SHTN1: variants seen among roughly 807,000 people sequenced by gnomAD.
SHTN1 encodes shootin-1.
In SHTN1, 42 loss-of-function variants were observed where a neutral mutation model predicts 83.1. The observed-to-expected ratio is 0.51, with a 90% confidence interval of 0.39 to 0.65. The LOEUF is 0.65. Ranked by LOEUF, SHTN1 falls within the 30% of genes least tolerant of loss-of-function variation. SHTN1 has a pLI of 0.00. For missense variants in SHTN1, 622 were observed against 737.8 expected, an observed-to-expected ratio of 0.84 and a Z score of 1.82; for synonymous variants, 224 against 247.7, an observed-to-expected ratio of 0.90 and a Z score of 0.90.
chr10:116,911,976 A>T (rs998158294), intron 13 of SHTN1, 133 bp from the exon 14 acceptor site: 11 of 682,622 alleles, frequency 1.6e-5, no homozygotes, highest in Non-Finnish European at 2.8e-5. Flanking sequence ...TTAAATTAGG[A>T]CTATGTCTTA....
At chr10:116,987,426 C>T (rs1589871777) in intron 1 of SHTN1, among the ~76,000 whole-genome samples, 1 of 152,120 alleles carries the variant, frequency 6.6e-6, no homozygotes, top group Non-Finnish European at 1.5e-5. Context: ...AACTGTGGTA[C>T]ATCCAGATAA....
At chr10:116,900,668 C>A in intron 16 of SHTN1, 1 of 1,479,010 alleles carries the variant, frequency 6.8e-7, no homozygotes, top group South Asian at 1.4e-5. Context: ...TTGTTGATGT[C>A]AAATTAGGTG....
chr10:116,990,277 TTTTTTCTTTC>T (rs1233027834), intron 1 of SHTN1, among the ~76,000 whole-genome samples: 4 of 125,876 alleles, frequency 3.2e-5, no homozygotes, highest in Admixed American at 1.0e-4. Flanking sequence ...TTTCTTTTTC[TTTTTTCTTTC>T]TTTTTTTTTT....
upstream of SHTN1, among the ~76,000 whole-genome samples, chr10:117,006,137 T>C (rs1004389783): frequency 3.3e-5 from 5 of 152,154 alleles, no homozygotes; most frequent in Non-Finnish European, 5.9e-5. Context: ...ATCTGAAGAA[T>C]AGGAAGAATA....
At chr10:117,041,632 T>C (rs1205245255) in intron 2 of SHTN1, among the ~76,000 whole-genome samples, 1 of 152,168 alleles carries the variant, frequency 6.6e-6, no homozygotes, top group African/African-American at 2.4e-5. Context: ...AAGAGTTACA[T>C]TGGTTCACCT....
At chr10:117,079,163 C>A in intron 1 of SHTN1, among the ~76,000 whole-genome samples, 1 of 146,990 alleles carries the variant, frequency 6.8e-6, no homozygotes, top group African/African-American at 2.5e-5. Context: ...TCAGGTATAT[C>A]TCCCAATGCT....
chr10:116,906,201 TCTC>T (rs1404110870), intron 15 of SHTN1, among the ~76,000 whole-genome samples: 1 of 152,268 alleles, frequency 6.6e-6, no homozygotes, highest in African/African-American at 2.4e-5. Flanking sequence ...CTTTTATTAT[TCTC>T]ATTATATAGA....
intron 2 of SHTN1, among the ~76,000 whole-genome samples, chr10:117,048,293 G>A (rs1313663935): frequency 3.9e-5 from 6 of 152,088 alleles, no homozygotes; most frequent in African/African-American, 1.2e-4. Flanking sequence ...ATAAATAAAA[G>A]CTCTTATTGT....
At chr10:117,004,618 A>C (rs1024905647) in intron 1 of SHTN1, among the ~76,000 whole-genome samples, 2 of 152,120 alleles carry the variant, frequency 1.3e-5, no homozygotes, top group Admixed American at 6.5e-5. Flanking sequence ...AGCGCCAACA[A>C]ATGTGTAAGG....
chr10:116,913,648 T>A (rs1295119100), intron 13 of SHTN1, among the ~76,000 whole-genome samples: 1 of 152,218 alleles, frequency 6.6e-6, no homozygotes, highest in Non-Finnish European at 1.5e-5. Context: ...TAGTAATAGT[T>A]TGGTTTTGCT....
intron 3 of SHTN1, among the ~76,000 whole-genome samples, chr10:116,967,259 C>T (rs1850428154): frequency 6.6e-6 from 1 of 152,006 alleles, no homozygotes; most frequent in Non-Finnish European, 1.5e-5. Context: ...GCTATGCTGT[C>T]TTAGGGGATA....
chr10:117,077,829 T>C (rs990079656), intron 1 of SHTN1, among the ~76,000 whole-genome samples: 5 of 152,182 alleles, frequency 3.3e-5, no homozygotes, highest in African/African-American at 7.2e-5. Context: ...TATGGCTACA[T>C]AGTGATTTAG....
intron 12 of SHTN1, among the ~76,000 whole-genome samples, chr10:116,920,557 C>T (rs1848525141): frequency 6.6e-6 from 1 of 152,168 alleles, no homozygotes; most frequent in Non-Finnish European, 1.5e-5. Flanking sequence ...ATAGTCTTCC[C>T]TCATCCACCC....
chr10:117,013,654 A>C (rs1852138877), intron 2 of SHTN1, among the ~76,000 whole-genome samples: 1 of 152,216 alleles, frequency 6.6e-6, no homozygotes, highest in African/African-American at 2.4e-5. Context: ...AACCCTCTTT[A>C]ATTGCAGGTA....
intron 16 of SHTN1, among the ~76,000 whole-genome samples, chr10:116,891,292 A>G (rs902717560): frequency 6.6e-6 from 1 of 152,216 alleles, no homozygotes; most frequent in Non-Finnish European, 1.5e-5. Context: ...TTTCTATTTC[A>G]CTTCTGAGGT....
chr10:117,001,882 T>TA (rs1398168801), intron 1 of SHTN1, among the ~76,000 whole-genome samples: 8 of 151,542 alleles, frequency 5.3e-5, no homozygotes, highest in East Asian at 1.9e-4. Context: ...TGTATCAGTT[T>TA]AAAAAAAAAT....
intron 2 of SHTN1, among the ~76,000 whole-genome samples, chr10:117,019,219 A>G (rs747979901): frequency 6.6e-6 from 1 of 151,808 alleles, no homozygotes; most frequent in Non-Finnish European, 1.5e-5. Context: ...ACTAGATCTC[A>G]CTCTGCCACC....
intron 4 of SHTN1, among the ~76,000 whole-genome samples, chr10:116,956,771 G>A (rs553455153): frequency 6.6e-6 from 1 of 152,012 alleles, no homozygotes; most frequent in African/African-American, 2.4e-5. Context: ...AAATCCACCA[G>A]TTTGTCTGCA....
intron 12 of SHTN1, among the ~76,000 whole-genome samples, chr10:116,917,388 T>C (rs1163355464): frequency 1.3e-5 from 2 of 152,150 alleles, no homozygotes; most frequent in Non-Finnish European, 2.9e-5. Context: ...CACTGCAACC[T>C]CCACCTCCCG....
Sources: gnomAD v4.1 joint callset for allele counts (sites outside exome capture counted in the v4.1 genomes callset) on GRCh38, gnomAD v4.1.1 for gene constraint, MANE v1.5 for transcripts, NCBI Gene and HGNC (gene_info 2026-07-23, HGNC 2026-07-21) for gene names.